The following PLEKHM3 variants were observed in gnomAD, a reference collection of about 807,000 sequenced individuals.
PLEKHM3 encodes the protein pleckstrin homology domain-containing family M member 3.
PLEKHM3 carries 45 observed loss-of-function variants against 81.8 expected under a neutral mutation model. That is an observed-to-expected ratio of 0.55 (90% CI 0.43 to 0.71). The LOEUF is 0.71. PLEKHM3 is among the 30% of genes least tolerant of loss of function. PLEKHM3 has a pLI of 0.00. For synonymous variants in PLEKHM3, 352 were observed against 356.4 expected, an observed-to-expected ratio of 0.99 and a Z score of 0.14; for missense variants, 788 against 924.3, an observed-to-expected ratio of 0.85 and a Z score of 1.91.
At chr2:207,967,003 A>T (rs1248405728) in intron 3 of PLEKHM3, among the ~76,000 whole-genome samples, 1 of 151,826 alleles carries the variant, frequency 6.6e-6, no homozygotes, top group African/African-American at 2.4e-5. Flanking sequence ...TTATTTTTTT[A>T]GACAGGATCT....
intron 6 of PLEKHM3, among the ~76,000 whole-genome samples, chr2:207,865,801 A>AAAAAAAAAAAAAAAAAAAAAATATATAT: frequency 4.0e-5 from 1 of 25,300 alleles, no homozygotes; most frequent in Non-Finnish European, 7.6e-5. Flanking sequence ...AAAAAAAAAA[A>AAAAAAAAAAAAAAAAAAAAAATATATAT]AGATATATAT....
rs548451101 is a variant in PLEKHM3 at position 208,019,297 on chromosome 2, C to A, written c.-319+6092G>T. Among the ~76,000 whole-genome samples the A allele has an allele frequency of 5.3e-5, 8 of 152,250 alleles. No individual in the cohort carries two copies. The South Asian group carries it at 1.5e-3, about 28-fold the overall frequency. On this transcript the variant is annotated intron_variant, in intron 1 of 7. Transcript: ENST00000427836. ...CTCCAGCCTGGGCAACAGAACAAGACCCTGTCTGAAAACAAAACCAAACCT... is the reference window on the plus strand; with the variant it reads ...CTCCAGCCTGGGCAACAGAACAAGAACCTGTCTGAAAACAAAACCAAACCT...
chr2:207,934,825 G>T (rs1407094504), intron 4 of PLEKHM3, among the ~76,000 whole-genome samples: 1 of 152,162 alleles, frequency 6.6e-6, no homozygotes, highest in Non-Finnish European at 1.5e-5. Context: ...AACATAATAC[G>T]ACTTTTGTTA....
intron 5 of PLEKHM3, 26 bp from the exon 6 acceptor site, chr2:207,908,603 T>G: frequency 3.2e-6 from 5 of 1,565,852 alleles, no homozygotes; most frequent in Non-Finnish European, 4.4e-6. Flanking sequence ...GATAGACAAG[T>G]GAACTGTGGT....
chr2:207,927,640 G>A (rs187854303), intron 5 of PLEKHM3, among the ~76,000 whole-genome samples: 2,254 of 151,478 alleles, frequency 0.015, 57 homozygotes, highest in African/African-American at 0.052. Flanking sequence ...GACCAGCCTG[G>A]CCAACATGGT....
intron 7 of PLEKHM3, among the ~76,000 whole-genome samples, chr2:207,853,392 G>C (rs956574129): frequency 2.7e-5 from 4 of 145,574 alleles, no homozygotes; most frequent in Non-Finnish European, 3.0e-5. Context: ...ACTCCAGCCT[G>C]GGCAACAAGA....
rs949046017 is a variant in PLEKHM3 at position 207,931,004 on chromosome 2, C to T, written c.1808G>A (p.Arg603Gln). The T allele has an allele frequency of 1.9e-6, 3 of 1,613,956 alleles. No individual in the cohort carries two copies. The highest frequency in any genetic ancestry group is 1.6e-4 in the Middle Eastern group (1 of 6,062). Residue 603 changes from arginine (R) to glutamine (Q), a missense_variant, in exon 5 of 8, where the codon CGG becomes CAG. By Grantham distance (43) the Arg-to-Gln change is conservative. Coordinates refer to ENST00000427836, the MANE Select transcript of PLEKHM3 (RefSeq NM_001080475.3). ...GAGCGACTTCAGCCGCTGCCGCAGC[C>T]GCAGCACGGCGGCCAGCGGCTCTGC... ...HHAEPLAAVL[R>Q]LRQRLKSLRA...
chr2:208,019,434 C>T (rs951356612), intron 1 of PLEKHM3, among the ~76,000 whole-genome samples: 13 of 152,190 alleles, frequency 8.5e-5, no homozygotes. Context: ...TTACCTCCCA[C>T]CCACACACAC....
rs1055140106 is a variant in PLEKHM3 at position 208,018,980 on chromosome 2, C to T, written c.-319+6409G>A. Reference sequence around the variant, plus strand: ...TTGAGCTGTGATTGTGCCACTGCATCTCACAAAAAAAAAAAAGAAAGGATT... The same window carrying T: ...TTGAGCTGTGATTGTGCCACTGCATTTCACAAAAAAAAAAAAGAAAGGATT... On this transcript the variant is annotated intron_variant, in intron 1 of 7. Coordinates refer to ENST00000427836, the MANE Select transcript of PLEKHM3 (RefSeq NM_001080475.3). Among the ~76,000 whole-genome samples, 5 of 150,998 alleles carry T rather than the reference C, an allele frequency of 3.3e-5. No homozygotes were observed. In the South Asian group the frequency reaches 1.0e-3, roughly 32 times the overall value.
At position 207,977,127 on chromosome 2, in the gene PLEKHM3, T is replaced by C. The variant is rs899413594; in HGVS notation, c.1070A>G (p.Lys357Arg). ...TGATTTGAGGATGTTTTGGTACTGT[T>C]TGGAGCTGTCCAGGACAGGGGACGG... is the stretch of plus-strand genomic sequence containing the variant. ...LPPSPVLDSS[K>R]QYQNILKSGT... Residue 357 changes from lysine to arginine, a missense_variant, in exon 3 of 8, where the codon AAA becomes AGA. Coordinates refer to ENST00000427836, the MANE Select transcript of PLEKHM3 (RefSeq NM_001080475.3). The C allele has an allele frequency of 1.2e-6, 2 of 1,614,152 alleles. No individual in the cohort carries two copies. The highest frequency in any genetic ancestry group is 1.7e-6 in the Non-Finnish European group (2 of 1,180,020).
intron 2 of PLEKHM3, among the ~76,000 whole-genome samples, chr2:207,989,150 ATT>A (rs1691816222): frequency 6.6e-6 from 1 of 152,216 alleles, no homozygotes; most frequent in South Asian, 2.1e-4. Flanking sequence ...CTCCATAAAT[ATT>A]GTTGACTGTA....
chr2:207,901,180 A>C, intron 6 of PLEKHM3: 2 of 691,762 alleles, frequency 2.9e-6, no homozygotes, highest in Non-Finnish European at 5.3e-6. Flanking sequence ...CATCTTTCTG[A>C]TCTGGCTTCC....
At chr2:207,863,807 T>C (rs2092481088) in intron 6 of PLEKHM3, among the ~76,000 whole-genome samples, 1 of 152,170 alleles carries the variant, frequency 6.6e-6, no homozygotes, top group Non-Finnish European at 1.5e-5. Flanking sequence ...TTGGGCAATG[T>C]ATTACCTCCT....
intron 4 of PLEKHM3, among the ~76,000 whole-genome samples, chr2:207,938,635 C>T (rs1689839149): frequency 6.6e-6 from 1 of 152,138 alleles, no homozygotes; most frequent in African/African-American, 2.4e-5. Context: ...TTACTTAATG[C>T]CAATGAGAGA....
In PLEKHM3 at chr2:207,843,147, G is replaced by A. The variant is rs1163722225; in HGVS notation, c.2109-14651C>T. Among the ~76,000 whole-genome samples, 1 of 151,974 alleles carries A rather than the reference G, an allele frequency of 6.6e-6. No homozygotes were observed. The highest frequency in any genetic ancestry group is 1.9e-4 in the East Asian group (1 of 5,188). On this transcript the variant is annotated intron_variant, in intron 7 of 7. Coordinates refer to ENST00000427836, the MANE Select transcript of PLEKHM3 (RefSeq NM_001080475.3). This position sits in a 1 kb window ranked among gnomAD's most constrained non-coding sequence, Gnocchi z 4.4. Reference sequence around the variant, plus strand: ...GTATTTTTTGGAGAGATGGGGTCTCGCCATGTTGCCCAGGCTGGTCTCAAA... The same window carrying A: ...GTATTTTTTGGAGAGATGGGGTCTCACCATGTTGCCCAGGCTGGTCTCAAA...
intron 3 of PLEKHM3, among the ~76,000 whole-genome samples, chr2:207,950,878 GTATCCTATTC>G (rs1452243978): frequency 6.6e-6 from 1 of 152,152 alleles, no homozygotes; most frequent in Admixed American, 6.5e-5. Flanking sequence ...TCCACTGGGA[GTATCCTATTC>G]ACTTTAAAAA....
rs182404617 is a variant in PLEKHM3 at position 207,975,479 on chromosome 2, C to G, written c.1546+1172G>C. Among the ~76,000 whole-genome samples, 353 of 149,080 alleles carry G rather than the reference C, an allele frequency of 2.4e-3. 2 individuals are homozygous for G. The highest frequency in any genetic ancestry group is 3.8e-3 in the Non-Finnish European group (254 of 67,580). ...TCAGATTTCCATTTAAAGCCATTCTCATGGTAAATTTAATGTCACAAACTG... is the reference window on the plus strand; with the variant it reads ...TCAGATTTCCATTTAAAGCCATTCTGATGGTAAATTTAATGTCACAAACTG... On this transcript the variant is annotated intron_variant, in intron 3 of 7. Transcript: ENST00000427836.
intron 7 of PLEKHM3, among the ~76,000 whole-genome samples, chr2:207,857,472 T>C (rs2092442683): frequency 6.6e-6 from 1 of 152,166 alleles, no homozygotes; most frequent in African/African-American, 2.4e-5. Flanking sequence ...CAATATTCCA[T>C]AGCATTCACT....
intron 5 of PLEKHM3, among the ~76,000 whole-genome samples, chr2:207,930,439 A>T (rs1202714327): frequency 6.6e-6 from 1 of 151,676 alleles, no homozygotes; most frequent in Non-Finnish European, 1.5e-5. Flanking sequence ...ATAAAAATAA[A>T]AAAATAATAA....
Sources: gnomAD v4.1 joint callset for allele counts (sites outside exome capture counted in the v4.1 genomes callset) on GRCh38, gnomAD v4.1.1 for gene constraint, Gnocchi (gnomAD v3.1) non-coding constraint, MANE v1.5 for transcripts, NCBI Gene and HGNC (gene_info 2026-07-23, HGNC 2026-07-21) for gene names.